The following ANKRD11 variants were observed in gnomAD, a reference collection of about 807,000 sequenced individuals.
ANKRD11 encodes the protein ankyrin repeat domain-containing protein 11.
ANKRD11 carries 17 observed loss-of-function variants against 195.7 expected under a neutral mutation model. That is an observed-to-expected ratio of 0.09 (90% CI 0.06 to 0.13). The LOEUF (loss-of-function observed/expected upper bound fraction) is 0.13. Among genes scored for constraint, ANKRD11 ranks in the 10% least tolerant of loss-of-function variants. The pLI is 1.00. For synonymous variants in ANKRD11, 1,953 were observed against 1,528.1 expected (o/e 1.28, Z -6.49); for missense variants, 3,735 against 3,566.1 (o/e 1.05, Z -1.21).
chr16:89,337,890 G>A (rs1328068554), intron 2 of ANKRD11, among the ~76,000 whole-genome samples: 2 of 152,206 alleles, frequency 1.3e-5, no homozygotes, highest in Non-Finnish European at 2.9e-5. Context: ...TCTACTGTGT[G>A]TGGAATCCCC....
At chr16:89,268,827 C>A (rs532018283) in intron 12 of ANKRD11, among the ~76,000 whole-genome samples, 164 bp from the exon 13 acceptor site, 1 of 152,360 alleles carries the variant, frequency 6.6e-6, no homozygotes, top group South Asian at 2.1e-4. Context: ...AGTTACTACA[C>A]GTGGCGGTAG....
At chr16:89,356,450 A>G (rs2039476264) in intron 2 of ANKRD11, among the ~76,000 whole-genome samples, 1 of 151,946 alleles carries the variant, frequency 6.6e-6, no homozygotes, top group Admixed American at 6.6e-5. Context: ...TCAAGCAGAC[A>G]CTGCTTGTTC....
At chr16:89,301,364 T>C (rs1167749215) in intron 4 of ANKRD11, 4 of 394,214 alleles carry the variant, frequency 1.0e-5, no homozygotes, top group Non-Finnish European at 1.8e-5. Flanking sequence ...TAATTTAATA[T>C]GAATGCTTTC....
intron 2 of ANKRD11, among the ~76,000 whole-genome samples, chr16:89,341,829 ACGGCCCACGGCGGGAG>A (rs2038675433): frequency 2.0e-5 from 3 of 152,058 alleles, no homozygotes; most frequent in African/African-American, 7.2e-5. Context: ...CACAGCAGCC[ACGGCCCACGGCGGGAG>A]TGCTGCACCT....
intron 2 of ANKRD11, among the ~76,000 whole-genome samples, chr16:89,330,992 C>T (rs987424200): frequency 1.3e-5 from 2 of 152,210 alleles, no homozygotes; most frequent in Non-Finnish European, 2.9e-5. Context: ...CTCACTTTGT[C>T]GCCCAGGCTG....
intron 2 of ANKRD11, among the ~76,000 whole-genome samples, chr16:89,355,696 G>C (rs545810236): frequency 3.0e-4 from 46 of 152,312 alleles, no homozygotes; most frequent in African/African-American, 1.1e-3. Context: ...AAAACCCAAA[G>C]ATGCTCACTT....
chr16:89,402,525 T>G (rs528289264), intron 2 of ANKRD11, among the ~76,000 whole-genome samples: 72 of 151,052 alleles, frequency 4.8e-4, no homozygotes, highest in Non-Finnish European at 8.0e-4. Context: ...AGAAAAACAT[T>G]TAAAAATTGC....
chr16:89,306,245 C>A (rs2036227843), intron 3 of ANKRD11, among the ~76,000 whole-genome samples: 21 of 71,678 alleles, frequency 2.9e-4, no homozygotes, highest in Admixed American at 5.5e-4. Context: ...CGCGCCACCT[C>A]CCACTCCGCA....
chr16:89,488,047 G>C (rs756945540), intron 1 of ANKRD11, among the ~76,000 whole-genome samples: 1 of 152,150 alleles, frequency 6.6e-6, no homozygotes, highest in South Asian at 2.1e-4. Flanking sequence ...GCAAATGAGA[G>C]CTGCAAAAGA....
chr16:89,487,955 T>TGAAA (rs147703324), intron 1 of ANKRD11, among the ~76,000 whole-genome samples: 78,690 of 151,364 alleles, frequency 0.52, 20,537 homozygotes, highest in East Asian at 0.66. Context: ...GAGGGTGTGA[T>TGAAA]GGCACTGCTG....
rs2034082922 is a variant in ANKRD11, at chr16:89,280,305, C to T, written c.6237G>A (p.Val2079=). ...CKSLPEAPLD[V]APEPACVAAV... ...CGGCTACACAGGCGGGCTCGGGGGCCACGTCCAGCGGGGCTTCCGGAAGTG... is the reference window on the plus strand; with the variant it reads ...CGGCTACACAGGCGGGCTCGGGGGCTACGTCCAGCGGGGCTTCCGGAAGTG... The change falls in exon 9 of 13, where the codon GTG becomes GTA. Residue 2079 remains valine, a synonymous_variant. Transcript: ENST00000301030. 1 of 1,596,004 alleles carries T rather than the reference C, an allele frequency of 6.3e-7. No individual in the cohort carries two copies. Among genetic ancestry groups the T allele is most frequent in the Admixed American group, 1.7e-5 (1 of 58,288 alleles).
chr16:89,367,967 G>A (rs2040020570), intron 2 of ANKRD11, among the ~76,000 whole-genome samples: 1 of 151,792 alleles, frequency 6.6e-6, no homozygotes, highest in Non-Finnish European at 1.5e-5. Context: ...CTGCACCACT[G>A]CACTCCAGTG....
chr16:89,332,754 G>A (rs2038133338), intron 2 of ANKRD11, among the ~76,000 whole-genome samples: 1 of 152,180 alleles, frequency 6.6e-6, no homozygotes, highest in East Asian at 1.9e-4. Flanking sequence ...CCGCTGCCCT[G>A]ACCTCCCTAG....
chr16:89,368,624 A>G (rs201366494), intron 2 of ANKRD11, among the ~76,000 whole-genome samples: 30 of 149,432 alleles, frequency 2.0e-4, no homozygotes, highest in East Asian at 1.4e-3. Flanking sequence ...AAAAAAAAAA[A>G]GGGCTGGGTG....
intron 2 of ANKRD11, among the ~76,000 whole-genome samples, chr16:89,345,108 A>G (rs2038876115): frequency 6.6e-6 from 1 of 152,194 alleles, no homozygotes; most frequent in Admixed American, 6.5e-5. Context: ...CACGGCCTGA[A>G]AGGGCACTAA....
chr16:89,393,055 T>C (rs1229220441), intron 2 of ANKRD11, among the ~76,000 whole-genome samples: 1 of 152,078 alleles, frequency 6.6e-6, no homozygotes, highest in Non-Finnish European at 1.5e-5. Flanking sequence ...TAACCCTCAG[T>C]GGAGCCTCCG....
At chr16:89,438,082 C>G (rs902137319) in intron 1 of ANKRD11, among the ~76,000 whole-genome samples, 6 of 152,192 alleles carry the variant, frequency 3.9e-5, no homozygotes, top group African/African-American at 1.4e-4. Flanking sequence ...GCCCGCTGGC[C>G]AGGAGGGCAC....
chr16:89,476,356 G>A (rs2057257148), intron 1 of ANKRD11, among the ~76,000 whole-genome samples: 1 of 152,180 alleles, frequency 6.6e-6, no homozygotes, highest in South Asian at 2.1e-4. Context: ...CTCTCAACTA[G>A]CAGACTGTTA....
chr16:89,282,220 A>G lies in ANKRD11; in HGVS notation c.4322T>C (p.Ile1441Thr), dbSNP rs748038681. 6.2e-7 allele frequency: 1 copy of G among 1,612,404 alleles called. No individual in the cohort carries two copies. The highest frequency in any genetic ancestry group is 8.5e-7 in the Non-Finnish European group (1 of 1,179,530). Residue 1441 changes from isoleucine to threonine, a missense_variant, in exon 9 of 13, where the codon ATA becomes ACA. Physicochemically the swap from Ile to Thr is moderately conservative, Grantham distance 89. Transcript: ENST00000301030. ...TCCATAAGGCTTTAGTTCCTTTTCT[A>G]TTTTCTTGGAAGGTTCTCTCTCGGA... Reference protein sequence around the residue: ...NDSEREPSKKIEKELKPYGSS... With the variant: ...NDSEREPSKKTEKELKPYGSS...
Sources: allele counts gnomAD v4.1 joint callset (sites outside exome capture counted in the v4.1 genomes callset), GRCh38; gene constraint gnomAD v4.1.1; transcripts MANE v1.5; gene names NCBI Gene and HGNC (gene_info 2026-07-23, HGNC 2026-07-21).